Variants in PCLO observed in about 807,000 individuals in gnomAD.
PCLO encodes the protein protein piccolo.
PCLO carries 82 observed loss-of-function variants against 427.5 expected under a neutral mutation model. The observed-to-expected ratio is 0.19, with a 90% confidence interval of 0.16 to 0.23. The LOEUF (loss-of-function observed/expected upper bound fraction) is 0.23, where lower values mean the gene tolerates loss of function less well. Among genes scored for constraint, PCLO ranks in the 10% least tolerant of loss-of-function variants. The probability of loss-of-function intolerance (pLI) is 1.00; values close to 1 mark genes in which losing one functional copy is unlikely to be tolerated. For missense variants in PCLO, 6,239 were observed against 6,115.9 expected, an observed-to-expected ratio of 1.02 and a Z score of -0.67; for synonymous variants, 2,357 against 2,155.4, an observed-to-expected ratio of 1.09 and a Z score of -2.59.
intron 3 of PCLO, among the ~76,000 whole-genome samples, chr7:82,984,510 A>C (rs1796217105): frequency 6.6e-6 from 1 of 151,452 alleles, no homozygotes; most frequent in Non-Finnish European, 1.5e-5. Flanking sequence ...TCAAGGGCCT[A>C]AGAATAGACA....
intron 3 of PCLO, among the ~76,000 whole-genome samples, chr7:83,065,541 A>G (rs1789648632): frequency 6.6e-6 from 1 of 150,890 alleles, no homozygotes; most frequent in Admixed American, 6.6e-5. Flanking sequence ...GCTTTAAACT[A>G]TCTGTTGAAG....
intron 16 of PCLO, among the ~76,000 whole-genome samples, chr7:82,831,885 A>G (rs929676668): frequency 6.6e-6 from 1 of 152,176 alleles, no homozygotes; most frequent in Admixed American, 6.5e-5. Context: ...CATATCATAC[A>G]CAATTTCAAT....
Position 82,950,315 on chromosome 7 carries a change from C to T in PCLO, c.10273G>A (p.Asp3425Asn), listed in dbSNP as rs1443317200. 1.2e-6 allele frequency: 2 copies of T among 1,613,614 alleles called. No individual in the cohort carries two copies. The highest frequency in any genetic ancestry group is 3.3e-5 in the Admixed American group (2 of 59,968). The change falls in exon 6 of 25, where the codon GAC becomes AAC. Residue 3425 changes from aspartate to asparagine, a missense_variant. By Grantham distance (23) the Asp-to-Asn change is conservative. Transcript: ENST00000333891. ...TCATCTGTCATATTTTCTCCCATGTCATCATACTGTCCTCGGACTTTAGCT... is the reference window on the plus strand; with the variant it reads ...TCATCTGTCATATTTTCTCCCATGTTATCATACTGTCCTCGGACTTTAGCT... Reference protein sequence around the residue: ...SGAKVRGQYDDMGENMTDDPR... With the variant: ...SGAKVRGQYDNMGENMTDDPR...
chr7:83,011,140 C>T (rs1788067221), intron 3 of PCLO, among the ~76,000 whole-genome samples: 1 of 151,968 alleles, frequency 6.6e-6, no homozygotes, highest in African/African-American at 2.4e-5. Flanking sequence ...TGATGGTCTA[C>T]TTTTCTTGCT....
At chr7:82,980,326 TGGTGTC>T (rs1796118582) in intron 3 of PCLO, among the ~76,000 whole-genome samples, 1 of 151,982 alleles carries the variant, frequency 6.6e-6, no homozygotes, top group Non-Finnish European at 1.5e-5. Context: ...ATTGCAGGAG[TGGTGTC>T]ACCGGGAATA....
At chr7:82,874,513 G>T (rs1793322295) in intron 10 of PCLO, among the ~76,000 whole-genome samples, 1 of 152,132 alleles carries the variant, frequency 6.6e-6, no homozygotes, top group Non-Finnish European at 1.5e-5. Context: ...TTTGGAGAGG[G>T]TTGAAACATT....
At chr7:82,826,560 A>C (rs1318941111) in intron 18 of PCLO, 29 bp downstream of exon 18, 4 of 1,463,680 alleles carry the variant, frequency 2.7e-6, no homozygotes, top group Non-Finnish European at 3.8e-6. Flanking sequence ...CCATAGCAGC[A>C]AATAAGGGAA....
intron 4 of PCLO, among the ~76,000 whole-genome samples, chr7:82,962,683 T>C (rs1468247969): frequency 1.3e-5 from 2 of 151,814 alleles, no homozygotes; most frequent in Admixed American, 1.3e-4. Context: ...AAAATGTATA[T>C]TTTTTAAATA....
At chr7:83,150,439 G>C (rs1178471810) in intron 2 of PCLO, among the ~76,000 whole-genome samples, 1 of 152,200 alleles carries the variant, frequency 6.6e-6, no homozygotes, top group African/African-American at 2.4e-5. Flanking sequence ...ATAGCCTCCA[G>C]AGAAGGCAGT....
chr7:82,888,262 CTT>C (rs1250280930), intron 9 of PCLO, among the ~76,000 whole-genome samples: 1 of 152,070 alleles, frequency 6.6e-6, no homozygotes, highest in African/African-American at 2.4e-5. Context: ...GACAGTTTTA[CTT>C]TCTTTTGGTC....
chr7:83,023,812 C>T (rs776074698), intron 3 of PCLO, among the ~76,000 whole-genome samples: 2 of 152,144 alleles, frequency 1.3e-5, no homozygotes, highest in Non-Finnish European at 2.9e-5. Context: ...ACTAATAACT[C>T]TCTAAATTAT....
intron 3 of PCLO, among the ~76,000 whole-genome samples, chr7:82,968,443 T>A (rs921849719): frequency 4.6e-5 from 7 of 152,050 alleles, no homozygotes; most frequent in African/African-American, 1.4e-4. Context: ...AAAATCAATC[T>A]TAATCTATAA....
At chr7:82,848,305 T>TTTTG (rs2115826622) in intron 10 of PCLO, among the ~76,000 whole-genome samples, 1 of 44,338 alleles carries the variant, frequency 2.3e-5, no homozygotes, top group South Asian at 9.0e-4. Context: ...CATTAGTTAG[T>TTTTG]TTTTTTTTTT....
chr7:82,978,158 A>C (rs1456168950), intron 3 of PCLO, among the ~76,000 whole-genome samples: 1 of 151,188 alleles, frequency 6.6e-6, no homozygotes, highest in Non-Finnish European at 1.5e-5. Context: ...TTAATATTAG[A>C]GAGACCCCCA....
chr7:83,040,825 A>G (rs1266247668), intron 3 of PCLO, among the ~76,000 whole-genome samples: 1 of 152,190 alleles, frequency 6.6e-6, no homozygotes, highest in Admixed American at 6.5e-5. Flanking sequence ...GTGATGGACA[A>G]GTTCTGGGCC....
Position 82,949,663 on chromosome 7 carries a change from G to C in PCLO, c.10925C>G (p.Pro3642Arg), listed in dbSNP as rs766523894. 5.0e-6 allele frequency: 8 copies of C among 1,613,844 alleles called. No homozygotes were observed. In the South Asian group the frequency reaches 8.8e-5, roughly 18 times the overall value. The change falls in exon 6 of 25, where the codon CCT becomes CGT. Residue 3642 changes from proline to arginine, a missense_variant. Physicochemically the swap from Pro to Arg is moderately radical, Grantham distance 103. Transcript: ENST00000333891. Reference protein sequence around the residue: ...PGKALESAFVPYEKPLPDDIS... With the variant: ...PGKALESAFVRYEKPLPDDIS... ...ATCATCAGGGAGGGGTTTTTCATAA[G>C]GTACAAAGGCTGATTCTAAGGCTTT...
intron 23 of PCLO, 140 bp from the exon 24 acceptor site, chr7:82,760,924 A>T (rs748483835): frequency 8.9e-5 from 39 of 436,490 alleles, no homozygotes; most frequent in Non-Finnish European, 1.5e-4. Context: ...AGATAACATA[A>T]AATGATTAAA....
rs1458881067 is a variant in PCLO at position 83,038,063 on chromosome 7, A to ATC, written c.3301-71577_3301-71576insGA. 5.3e-3 allele frequency among the ~76,000 whole-genome samples: 229 copies of ATC among 43,462 alleles called. 16 individuals carry two copies. Among genetic ancestry groups the ATC allele is most frequent in the South Asian group, 0.022 (30 of 1,344 alleles). The allele number at this position is 43,462 out of a possible 152,430, so 28.5% of individuals were successfully genotyped here. A position where few individuals can be genotyped will look rare whatever the true frequency, so the allele number is the denominator to read the frequency against. On this transcript the variant is annotated intron_variant, in intron 3 of 24. Transcript: ENST00000333891. ...TTTATATATATATCTTTATATATAT[A>ATC]TTTATATATTTATATATATATCTTT...
rs71074624 is a variant in PCLO at position 83,122,286 on chromosome 7, CTTTTTTTTT to C, written c.3300+11955_3300+11963del. ...TTTCCTTCTTTCTTTCTTTTCTTTT[CTTTTTTTTT>C]TTTTTTTTTTTATGGTGTTTTGCTC... On this transcript the variant is annotated intron_variant, in intron 3 of 24. Transcript: ENST00000333891. Among the ~76,000 whole-genome samples, 29 of 128,294 alleles carry C rather than the reference CTTTTTTTTT, an allele frequency of 2.3e-4. No homozygotes were observed. In the East Asian group the frequency reaches 5.5e-3, roughly 24 times the overall value. The allele number at this position is 128,294 out of a possible 152,430, so 84.2% of individuals were successfully genotyped here. A position where few individuals can be genotyped will look rare whatever the true frequency, so the allele number is the denominator to read the frequency against.
Sources: gnomAD v4.1 joint callset for allele counts (sites outside exome capture counted in the v4.1 genomes callset) on GRCh38, gnomAD v4.1.1 for gene constraint, MANE v1.5 for transcripts, NCBI Gene and HGNC (gene_info 2026-07-23, HGNC 2026-07-21) for gene names.